NEDD4: variants seen among roughly 807,000 people sequenced by gnomAD.
NEDD4 encodes the protein E3 ubiquitin-protein ligase NEDD4.
Under a neutral mutation model 144.9 loss-of-function variants are expected in NEDD4, and 99 were observed. The observed-to-expected ratio is 0.68, with a 90% confidence interval of 0.58 to 0.81. NEDD4 has a LOEUF of 0.81. Ranked by LOEUF, NEDD4 falls within the 30% of genes least tolerant of loss-of-function variation. The probability of loss-of-function intolerance (pLI) is 0.00; values close to 1 mark genes in which losing one functional copy is unlikely to be tolerated. For missense variants in NEDD4, 985 were observed against 1,065.9 expected (o/e 0.92, Z 1.06); for synonymous variants, 318 against 350.6 (o/e 0.91, Z 1.04).
intron 4 of NEDD4, among the ~76,000 whole-genome samples, chr15:55,947,722 G>A (rs1395812375): frequency 6.6e-6 from 1 of 152,184 alleles, no homozygotes; most frequent in Non-Finnish European, 1.5e-5. Flanking sequence ...CTCAATAGAT[G>A]CAGAAAAGGC....
intron 1 of NEDD4, among the ~76,000 whole-genome samples, chr15:55,982,971 A>C (rs1362250442): frequency 6.6e-6 from 1 of 152,034 alleles, no homozygotes; most frequent in African/African-American, 2.4e-5. Flanking sequence ...AAAATACAAA[A>C]ATTAGCAAGG....
chr15:55,985,213 TAAAAG>T (rs1372949024), intron 1 of NEDD4, among the ~76,000 whole-genome samples: 1 of 152,236 alleles, frequency 6.6e-6, no homozygotes, highest in Non-Finnish European at 1.5e-5. Flanking sequence ...TAATTACCTA[TAAAAG>T]AAATTATAGT....
At chr15:55,945,012 G>A (rs144204491) in intron 4 of NEDD4, among the ~76,000 whole-genome samples, 1 of 152,038 alleles carries the variant, frequency 6.6e-6, no homozygotes, top group South Asian at 2.1e-4. Flanking sequence ...TGTATGTCAC[G>A]AACGTCAAAG....
chr15:55,934,228 G>C (rs2036839948), intron 4 of NEDD4, among the ~76,000 whole-genome samples: 1 of 152,150 alleles, frequency 6.6e-6, no homozygotes, highest in Non-Finnish European at 1.5e-5. Context: ...GTGAGAATGG[G>C]CTAATACAGC....
chr15:55,906,129 A>C (rs867123980), intron 5 of NEDD4, among the ~76,000 whole-genome samples: 1 of 152,144 alleles, frequency 6.6e-6, no homozygotes, highest in Admixed American at 6.5e-5. Flanking sequence ...AAGTCAGGAA[A>C]CAACAGGTGC....
intron 1 of NEDD4, among the ~76,000 whole-genome samples, chr15:55,968,896 C>A (rs563126345): frequency 6.6e-6 from 1 of 152,290 alleles, no homozygotes; most frequent in East Asian, 1.9e-4. Context: ...TTAGAACCCT[C>A]CAGTGAGAGT....
intron 13 of NEDD4, among the ~76,000 whole-genome samples, chr15:55,851,472 T>A (rs1415688940): frequency 6.6e-6 from 1 of 151,768 alleles, no homozygotes; most frequent in Non-Finnish European, 1.5e-5. Flanking sequence ...TATTTTACAT[T>A]TTCTTTTCTG....
chr15:55,854,868 G>C (rs996871805), intron 12 of NEDD4, among the ~76,000 whole-genome samples: 2 of 152,180 alleles, frequency 1.3e-5, no homozygotes, highest in African/African-American at 4.8e-5. Context: ...AGATTCTGCT[G>C]CTCATCCGGT....
At chr15:55,909,639 G>A (rs1390826954) in intron 5 of NEDD4, among the ~76,000 whole-genome samples, 1 of 152,092 alleles carries the variant, frequency 6.6e-6, no homozygotes, top group Non-Finnish European at 1.5e-5. Flanking sequence ...AGCCCCTTCA[G>A]CCTACAAAGC....
intron 7 of NEDD4, among the ~76,000 whole-genome samples, chr15:55,870,609 C>G (rs1041762182): frequency 1.3e-5 from 2 of 150,756 alleles, no homozygotes; most frequent in Non-Finnish European, 2.9e-5. Flanking sequence ...TTACGGTTCA[C>G]TGCAGCCTTG....
chr15:55,915,454 C>T, intron 5 of NEDD4: 1 of 1,613,760 alleles, frequency 6.2e-7, no homozygotes, highest in Non-Finnish European at 8.5e-7. Context: ...TAAGCTCCTC[C>T]CAATGAAATA....
intron 5 of NEDD4, among the ~76,000 whole-genome samples, chr15:55,899,357 G>A (rs1275641632): frequency 6.6e-6 from 1 of 152,088 alleles, no homozygotes; most frequent in Non-Finnish European, 1.5e-5. Context: ...TGATTACCTG[G>A]TTATCTGATC....
At chr15:55,963,481 C>T (rs1284494808) in intron 2 of NEDD4, among the ~76,000 whole-genome samples, 1 of 152,074 alleles carries the variant, frequency 6.6e-6, no homozygotes, top group Non-Finnish European at 1.5e-5. Context: ...TTACAATATA[C>T]ATCATTAATC....
chr15:55,957,833 G>A (rs1478684634), intron 2 of NEDD4, among the ~76,000 whole-genome samples: 1 of 152,162 alleles, frequency 6.6e-6, no homozygotes, highest in Non-Finnish European at 1.5e-5. Flanking sequence ...GGACATGGGT[G>A]AAGCTGGAAA....
intron 5 of NEDD4, among the ~76,000 whole-genome samples, chr15:55,890,393 C>A (rs2035528914): frequency 6.6e-6 from 1 of 152,118 alleles, no homozygotes; most frequent in Non-Finnish European, 1.5e-5. Flanking sequence ...CAACCACCAA[C>A]CACTTTCTGT....
chr15:55,991,388 C>A (rs546740020), intron 1 of NEDD4, among the ~76,000 whole-genome samples: 8 of 152,260 alleles, frequency 5.3e-5, no homozygotes, highest in African/African-American at 1.9e-4. Flanking sequence ...GAGAGGGCAA[C>A]CTCCACAAGA....
chr15:55,946,381 C>A (rs560999234), intron 4 of NEDD4, among the ~76,000 whole-genome samples: 16 of 152,172 alleles, frequency 1.1e-4, no homozygotes, highest in Middle Eastern at 3.4e-3. Flanking sequence ...AACAGACTTT[C>A]AACCAACAAA....
chr15:55,981,119 C>T (rs752992830), intron 1 of NEDD4, among the ~76,000 whole-genome samples: 34 of 150,572 alleles, frequency 2.3e-4, no homozygotes, highest in East Asian at 1.2e-3. Context: ...GCTCACTGCT[C>T]GCAATGTCTA....
chr15:55,944,059 C>T (rs2037060334), intron 4 of NEDD4, among the ~76,000 whole-genome samples: 1 of 152,124 alleles, frequency 6.6e-6, no homozygotes, highest in Non-Finnish European at 1.5e-5. Context: ...TCTGCAGCTC[C>T]CGGTATGATT....
Sources: gnomAD v4.1 joint callset for allele counts (sites outside exome capture counted in the v4.1 genomes callset) on GRCh38, gnomAD v4.1.1 for gene constraint, MANE v1.5 for transcripts, NCBI Gene and HGNC (gene_info 2026-07-23, HGNC 2026-07-21) for gene names.